The following ANGPTL6 variants were observed in gnomAD, a reference collection of about 807,000 sequenced individuals.
ANGPTL6 encodes angiopoietin-related protein 6.
A neutral mutation model predicts 47.4 loss-of-function variants in ANGPTL6; 45 were observed. The observed-to-expected ratio is 0.95, with a 90% CI of 0.75 to 1.22. The LOEUF is 1.22. ANGPTL6 is among the 50% of genes most tolerant of loss of function. The pLI, the probability that ANGPTL6 is intolerant of heterozygous loss-of-function variation, is 0.00. For missense variants in ANGPTL6, 698 were observed against 669.4 expected, an observed-to-expected ratio of 1.04 and a Z score of -0.47; for synonymous variants, 290 against 295.9, an observed-to-expected ratio of 0.98 and a Z score of 0.20.
chr19:10,104,641 TA>T (rs2088773103), upstream of ANGPTL6, among the ~76,000 whole-genome samples: 2 of 152,082 alleles, frequency 1.3e-5, 1 homozygote, highest in South Asian at 4.1e-4. Context: ...TATGCTTTCA[TA>T]AATAAAGGAT....
In ANGPTL6 at chr19:10,099,213, T is replaced by C. The variant is rs115143859; in HGVS notation, c.-10-2640A>G. ...ATCTGAGTCAGTTCACGTCCCTCCC[T>C]CCCTCCTCTGCCCTGAATCCTTCTT... On this transcript the variant is annotated intron_variant, in intron 1 of 5. Transcript: ENST00000253109. 1.8e-3 allele frequency among the ~76,000 whole-genome samples: 281 copies of C among 152,060 alleles called. 3 individuals carry two copies. Among genetic ancestry groups the C allele is most frequent in the African/African-American group, 6.5e-3 (269 of 41,458 alleles).
Position 10,096,342 on chromosome 19 carries a change from C to T in ANGPTL6, c.222G>A (p.Glu74=), listed in dbSNP as rs2088537980. 1 of 1,286,742 alleles carries T rather than the reference C, an allele frequency of 7.8e-7. No homozygotes were observed. The highest frequency in any genetic ancestry group is 9.8e-7 in the Non-Finnish European group (1 of 1,022,016). 79.7% of individuals were successfully genotyped at this position (1,286,742 alleles called of 1,614,324 possible). A position where few individuals can be genotyped will look rare whatever the true frequency, so the allele number is the denominator to read the frequency against. ...ALRMRVGRHE[E]LLRELQRLAA... is the part of the protein sequence containing the mutation. Reference sequence around the variant, plus strand: ...CCAGCCTCTGCAGCTCGCGTAACAGCTCCTCGTGGCGGCCGACGCGCATGC... The same window carrying T: ...CCAGCCTCTGCAGCTCGCGTAACAGTTCCTCGTGGCGGCCGACGCGCATGC... The change falls in exon 2 of 6, where the codon GAG becomes GAA. Residue 74 remains glutamate, a synonymous_variant. Coordinates refer to ENST00000253109, the MANE Select transcript of ANGPTL6 (RefSeq NM_031917.3).
At chr19:10,102,440 A>T (rs1020323589) in intron 1 of ANGPTL6, 128 bp downstream of exon 1, 2 of 469,582 alleles carry the variant, frequency 4.3e-6, no homozygotes, top group African/African-American at 2.1e-5. Context: ...GGACGTGTGT[A>T]TAACACCCGC....
In ANGPTL6 at chr19:10,096,108, G is replaced by C; in HGVS notation, c.456C>G (p.Arg152=). The C allele has an allele frequency of 6.8e-7, 1 of 1,480,712 alleles. No individual in the cohort carries two copies. Among genetic ancestry groups the C allele is most frequent in the Non-Finnish European group, 8.9e-7 (1 of 1,117,570 alleles). The allele number at this position is 1,480,712 out of a possible 1,614,324, so 91.7% of individuals were successfully genotyped here. ...CCAGCTGGTGGAACCGGGCGGCTGCGCGCTGAGCCTCGGCGGACGCGTTGA... is the reference window on the plus strand; with the variant it reads ...CCAGCTGGTGGAACCGGGCGGCTGCCCGCTGAGCCTCGGCGGACGCGTTGA... ...RVLNASAEAQ[R]AAARFHQLDV... Residue 152 remains arginine, a synonymous_variant, in exon 2 of 6, where the codon CGC becomes CGG. Transcript: ENST00000253109.
At position 10,093,693 on chromosome 19, in the gene ANGPTL6, C is replaced by A; in HGVS notation, c.951G>T (p.Lys317Asn). 6.2e-7 allele frequency: 1 copy of A among 1,614,212 alleles called. No homozygotes were observed. The highest frequency in any genetic ancestry group is 8.5e-7 in the Non-Finnish European group (1 of 1,180,028). The change falls in exon 4 of 6, where the codon AAG becomes AAT. Residue 317 changes from lysine to asparagine, a missense_variant and splice_region_variant. Physicochemically the swap from Lys to Asn is moderately conservative, Grantham distance 94. Coordinates refer to ENST00000253109, the MANE Select transcript of ANGPTL6 (RefSeq NM_031917.3). ...VNFFTTWQHYKAGFGRPDGEY... is the reference protein window; with the variant it reads ...VNFFTTWQHYNAGFGRPDGEY... ...CCTGCCTCTGCCCACCTGTGCCCAC[C>A]TTATAGTGCTGCCAGGTAGTGAAGA...
In ANGPTL6 at chr19:10,096,046, T is replaced by C. The variant is rs759996115; in HGVS notation, c.518A>G (p.Gln173Arg). Reference protein sequence around the residue: ...KFRELAQLVTQQSSLIARLER... With the variant: ...KFRELAQLVTRQSSLIARLER... ...CAGGCGGGCGATGAGACTGCTCTGC[T>C]GGGTGACGAGCTGCGCCAGCTCGCG... Residue 173 changes from glutamine to arginine, a missense_variant, in exon 2 of 6, where the codon CAG (glutamine) becomes CGG (arginine). By Grantham distance (43) the Gln-to-Arg change is conservative. Transcript: ENST00000253109. The C allele has an allele frequency of 4.1e-6, 6 of 1,451,868 alleles. No individual in the cohort carries two copies. The highest frequency in any genetic ancestry group is 1.5e-5 in the African/African-American group (1 of 68,130). 89.9% of individuals were successfully genotyped at this position (1,451,868 alleles called of 1,614,324 possible). A position where few individuals can be genotyped will look rare whatever the true frequency, so the allele number is the denominator to read the frequency against.
chr19:10,103,827 G>T (rs188904931), upstream of ANGPTL6, among the ~76,000 whole-genome samples: 1 of 150,942 alleles, frequency 6.6e-6, no homozygotes, highest in Non-Finnish European at 1.5e-5. Flanking sequence ...GGGCGCGGTG[G>T]CTCACGCCTG....
rs1007156775 is a variant in ANGPTL6, at chr19:10,092,494, C to T, written c.*95G>A. ...CCACAGTGGGAAGTTCTGTGGGACACATTGGCACTGAGCCACAAAGAAGGT... is the reference window on the plus strand; with the variant it reads ...CCACAGTGGGAAGTTCTGTGGGACATATTGGCACTGAGCCACAAAGAAGGT... On this transcript the variant is annotated 3_prime_UTR_variant, in exon 6 of 6. Coordinates refer to ENST00000253109, the MANE Select transcript of ANGPTL6 (RefSeq NM_031917.3). 2.6e-6 allele frequency: 4 copies of T among 1,522,840 alleles called. No individual in the cohort carries two copies. The African/African-American group carries it at 4.2e-5, about 16-fold the overall frequency. 94.3% of individuals were successfully genotyped at this position (1,522,840 alleles called of 1,614,324 possible).
chr19:10,096,348 G>A lies in ANGPTL6; in HGVS notation c.216C>T (p.His72=). The change falls in exon 2 of 6, where the codon CAC becomes CAT. Residue 72 remains histidine (H), a synonymous_variant. Coordinates refer to ENST00000253109, the MANE Select transcript of ANGPTL6 (RefSeq NM_031917.3). The part of the protein sequence containing the change: ...LAALRMRVGR[H]EELLRELQRL... ...TCTGCAGCTCGCGTAACAGCTCCTC[G>A]TGGCGGCCGACGCGCATGCGCAGCG... is the stretch of plus-strand genomic sequence containing the variant. 2.3e-6 allele frequency: 3 copies of A among 1,285,524 alleles called. No homozygotes were observed. The highest frequency in any genetic ancestry group is 2.9e-6 in the Non-Finnish European group (3 of 1,021,190). The allele number at this position is 1,285,524 out of a possible 1,614,324, so 79.6% of individuals were successfully genotyped here.
rs2145173389 is a variant in ANGPTL6, at chr19:10,096,288, CTCG to C, written c.273_275del (p.Glu92del). The C allele has an allele frequency of 8.2e-7, 1 of 1,221,630 alleles. No individual in the cohort carries two copies. The highest frequency in any genetic ancestry group is 3.6e-5 in the South Asian group (1 of 28,130). 75.7% of individuals were successfully genotyped at this position (1,221,630 alleles called of 1,614,324 possible). A position where few individuals can be genotyped will look rare whatever the true frequency, so the allele number is the denominator to read the frequency against. ...GGCTCTCCTTGCGCAGCGCGCGCAC[CTCG>C]CCGGCCACGGCGCCGTCGGCCGCCG... is the stretch of plus-strand genomic sequence containing the variant. On this transcript the variant is annotated inframe_deletion, in exon 2 of 6. Transcript: ENST00000253109.
upstream of ANGPTL6, among the ~76,000 whole-genome samples, chr19:10,103,964 A>AGG (rs2088750401): frequency 1.3e-5 from 2 of 150,600 alleles, no homozygotes; most frequent in Middle Eastern, 3.4e-3. Flanking sequence ...GTGGTGGCCC[A>AGG]TGCCTGTAAT....
chr19:10,104,037 G>C (rs186167420), upstream of ANGPTL6, among the ~76,000 whole-genome samples: 1 of 133,760 alleles, frequency 7.5e-6, no homozygotes, highest in Non-Finnish European at 1.5e-5. Context: ...AGGTTGCAGT[G>C]AGCCACTGCA....
In ANGPTL6 at chr19:10,095,910, A is replaced by G. The variant is rs543180143; in HGVS notation, c.582+72T>C. 9.7e-6 allele frequency: 9 copies of G among 928,794 alleles called. No individual in the cohort carries two copies. In the Admixed American group the frequency reaches 2.5e-4, roughly 26 times the overall value. 57.5% of individuals were successfully genotyped at this position (928,794 alleles called of 1,614,324 possible). ...GGTTTTGCGGATTTCAGAACTGTGGATAAGAGATCGTGGGGTTGCAAAACC... is the reference window on the plus strand; with the variant it reads ...GGTTTTGCGGATTTCAGAACTGTGGGTAAGAGATCGTGGGGTTGCAAAACC... On this transcript the variant is annotated intron_variant, in intron 2 of 5. Transcript: ENST00000253109.
At chr19:10,094,398 G>A (rs1260557277) in intron 3 of ANGPTL6, 14 of 282,668 alleles carry the variant, frequency 5.0e-5, no homozygotes, top group Non-Finnish European at 7.4e-5. Context: ...CACCCGCCTC[G>A]GCCTCCCAAA....
chr19:10,095,101 A>G (rs1449510955), intron 2 of ANGPTL6, among the ~76,000 whole-genome samples, 163 bp from the exon 3 acceptor site: 1 of 152,198 alleles, frequency 6.6e-6, no homozygotes. Flanking sequence ...CAAAAGCTAA[A>G]CAACTTGGCT....
intron 1 of ANGPTL6, 33 bp from the exon 2 acceptor site, chr19:10,096,606 G>A: frequency 3.5e-6 from 5 of 1,443,892 alleles, no homozygotes; most frequent in Non-Finnish European, 4.5e-6. Flanking sequence ...AGGAAGACGG[G>A]GTGCTGGGGC....
intron 1 of ANGPTL6, among the ~76,000 whole-genome samples, chr19:10,101,208 C>CA (rs112556873): frequency 3.4e-5 from 5 of 148,840 alleles, no homozygotes; most frequent in South Asian, 2.1e-4. Flanking sequence ...GACTCTGTCT[C>CA]AAAAAAAAAT....
chr19:10,101,677 G>T (rs1468990579), intron 1 of ANGPTL6, among the ~76,000 whole-genome samples: 4 of 149,768 alleles, frequency 2.7e-5, no homozygotes, highest in Non-Finnish European at 4.5e-5. Context: ...GCATGGTAAT[G>T]CATGCCTGTA....
chr19:10,094,836 C>A lies in ANGPTL6; in HGVS notation c.685G>T (p.Asp229Tyr). 6.2e-7 allele frequency: 1 copy of A among 1,614,228 alleles called. No homozygotes were observed. Among genetic ancestry groups the A allele is most frequent in the Non-Finnish European group, 8.5e-7 (1 of 1,180,036 alleles). ...MLDPAPEPQR[D>Y]QTQRQQEPMA... ...GGCTCCTGCTGTCTCTGGGTCTGGT[C>A]TCTCTGGGGCTCTGGGGCTGGGTCC... Residue 229 changes from aspartate to tyrosine, a missense_variant, in exon 3 of 6, where the codon GAC becomes TAC. Transcript: ENST00000253109.
Sources: gnomAD v4.1 joint callset for allele counts (sites outside exome capture counted in the v4.1 genomes callset) on GRCh38, gnomAD v4.1.1 for gene constraint, MANE v1.5 for transcripts, NCBI Gene and HGNC (gene_info 2026-07-23, HGNC 2026-07-21) for gene names.